Variants in MYRFL observed in about 807,000 individuals in gnomAD.
The protein encoded by MYRFL is myelin regulatory factor like.
In MYRFL, 88 loss-of-function variants were observed where a neutral mutation model predicts 109.4. The ratio of observed to expected loss-of-function variants is 0.80; its 90% confidence interval spans 0.68 to 0.96. The LOEUF is 0.96. Among genes scored for constraint, MYRFL ranks in the 40% least tolerant of loss-of-function variants. MYRFL has a pLI of 0.00. For synonymous variants in MYRFL, 324 were observed against 320.9 expected (o/e 1.01, Z -0.10); for missense variants, 957 against 954.9 (o/e 1.00, Z -0.03).
At chr12:69,927,959 A>G (rs2120452917) in intron 15 of MYRFL, among the ~76,000 whole-genome samples, 1 of 152,328 alleles carries the variant, frequency 6.6e-6, no homozygotes, top group South Asian at 2.1e-4. Context: ...AGAATATGTC[A>G]GTCTCAGAAT....
At chr12:69,864,555 C>T (rs1261828209) in intron 2 of MYRFL, among the ~76,000 whole-genome samples, 1 of 151,810 alleles carries the variant, frequency 6.6e-6, no homozygotes, top group Non-Finnish European at 1.5e-5. Flanking sequence ...TGGTACCTGG[C>T]TCTTATTACT....
chr12:69,910,464 T>A (rs1954525135), intron 12 of MYRFL, among the ~76,000 whole-genome samples: 1 of 151,226 alleles, frequency 6.6e-6, no homozygotes, highest in South Asian at 2.1e-4. Flanking sequence ...GTAAGCAAAG[T>A]GATGTTTATA....
At chr12:69,848,395 C>T (rs1732554459) in intron 1 of MYRFL, among the ~76,000 whole-genome samples, 1 of 151,734 alleles carries the variant, frequency 6.6e-6, no homozygotes, top group South Asian at 2.1e-4. Context: ...ATACTATTGC[C>T]TTTTTTATCC....
chr12:69,849,565 A>G (rs1214652648), intron 1 of MYRFL, among the ~76,000 whole-genome samples: 4 of 152,248 alleles, frequency 2.6e-5, no homozygotes, highest in Non-Finnish European at 5.9e-5. Flanking sequence ...AAATGGTAGA[A>G]GAGTTATATT....
chr12:69,951,394 C>T (rs1330466420), intron 19 of MYRFL, among the ~76,000 whole-genome samples: 2 of 150,928 alleles, frequency 1.3e-5, no homozygotes, highest in Non-Finnish European at 2.9e-5. Flanking sequence ...CACACGTAGC[C>T]CTAGGGTCTC....
chr12:69,897,470 G>C (rs1327338989), intron 10 of MYRFL, among the ~76,000 whole-genome samples: 2 of 152,148 alleles, frequency 1.3e-5, no homozygotes, highest in Non-Finnish European at 2.9e-5. Context: ...GTCACAGCTG[G>C]CATCTAGTGG....
chr12:69,839,856 T>C lies in MYRFL; in HGVS notation c.46+14293T>C, dbSNP rs2136316154. Among the ~76,000 whole-genome samples, 3 of 152,320 alleles carry C rather than the reference T, an allele frequency of 2.0e-5. No homozygotes were observed. In the South Asian group the frequency reaches 6.2e-4, roughly 32 times the overall value. Reference sequence around the variant, plus strand: ...ACTGGATCTCCTGTGGATCCCCTACTATTTGTTAGCATTCCTTTTAAAACC... The same window carrying C: ...ACTGGATCTCCTGTGGATCCCCTACCATTTGTTAGCATTCCTTTTAAAACC... On this transcript the variant is annotated intron_variant, in intron 1 of 24. Transcript: ENST00000552032.
chr12:69,948,421 G>T (rs1300963791), intron 19 of MYRFL, among the ~76,000 whole-genome samples: 1 of 152,144 alleles, frequency 6.6e-6, no homozygotes, highest in East Asian at 1.9e-4. Context: ...ACAGTTCTGT[G>T]GAAGAAGACA....
intron 2 of MYRFL, among the ~76,000 whole-genome samples, chr12:69,870,101 T>C (rs1172064504): frequency 2.5e-3 from 69 of 27,318 alleles, no homozygotes; most frequent in African/African-American, 8.2e-3. Flanking sequence ...TTTTCTTCCT[T>C]TTTTTTTTTT....
chr12:69,957,003 A>ACAAAC (rs1956112026), intron 22 of MYRFL, among the ~76,000 whole-genome samples: 1 of 152,126 alleles, frequency 6.6e-6, no homozygotes, highest in Non-Finnish European at 1.5e-5. Flanking sequence ...CTTTTAGTTT[A>ACAAAC]CAAACCATTT....
intron 19 of MYRFL, among the ~76,000 whole-genome samples, chr12:69,945,215 A>T (rs964247562): frequency 6.6e-5 from 10 of 152,192 alleles, no homozygotes; most frequent in African/African-American, 2.2e-4. Context: ...AGTATAGCCT[A>T]AATATATGGT....
chr12:69,896,960 T>G (rs10879037), intron 9 of MYRFL, among the ~76,000 whole-genome samples, 196 bp from the exon 10 acceptor site: 48,388 of 152,122 alleles, frequency 0.32, 7,986 homozygotes, highest in African/African-American at 0.37. Flanking sequence ...AGCTGACCCA[T>G]AACAATAGCA....
intron 10 of MYRFL, among the ~76,000 whole-genome samples, chr12:69,898,484 A>G (rs966066695): frequency 3.9e-5 from 6 of 152,188 alleles, no homozygotes; most frequent in African/African-American, 1.4e-4. Context: ...TCCTTGCGTC[A>G]TAAGCCAATA....
intron 9 of MYRFL, 37 bp downstream of exon 9, chr12:69,895,518 G>A (rs1183483489): frequency 6.0e-6 from 9 of 1,509,472 alleles, no homozygotes; most frequent in African/African-American, 2.8e-5. Flanking sequence ...GTGTGGCTGG[G>A]TACTTTATCT....
rs1956128717 is a variant in MYRFL at position 69,957,852 on chromosome 12, C to T, written c.2481C>T (p.Cys827=). The change falls in exon 23 of 25, where the codon TGC becomes TGT. Residue 827 remains cysteine (C), a synonymous_variant. Coordinates refer to ENST00000552032, the MANE Select transcript of MYRFL (RefSeq NM_182530.3). ...CAGAGCCATTGATAGTCTTCCAGTG[C>T]AAATTCACCCTTGGAAATATATGTT... The part of the protein sequence containing the change: ...NTTEPLIVFQ[C]KFTLGNICFH... 6.5e-7 allele frequency: 1 copy of T among 1,534,298 alleles called. No individual in the cohort carries two copies. Among genetic ancestry groups the T allele is most frequent in the East Asian group, 2.4e-5 (1 of 40,876 alleles).
intron 2 of MYRFL, among the ~76,000 whole-genome samples, chr12:69,873,946 T>C: frequency 6.6e-6 from 1 of 152,192 alleles, no homozygotes; most frequent in Non-Finnish European, 1.5e-5. Context: ...ATCTGTTGAC[T>C]TTAGTTCTAC....
At chr12:69,934,191 A>T (rs1286278813) in intron 16 of MYRFL, among the ~76,000 whole-genome samples, 1 of 152,216 alleles carries the variant, frequency 6.6e-6, no homozygotes, top group Non-Finnish European at 1.5e-5. Flanking sequence ...CTGGACTCAC[A>T]GCAGTGGTGC....
chr12:69,926,684 A>G lies in MYRFL; in HGVS notation c.1716A>G (p.Leu572=), dbSNP rs1472733415. ...LEIWNRKLAR[L]KRLSSWKSSA... is the part of the protein sequence containing the mutation. ...TATGGAACAGAAAGCTGGCCCGGCT[A>G]AAGCGGCTCAGTAGTTGGAAGTCAT... The change falls in exon 14 of 25, where the codon CTA becomes CTG. Residue 572 remains leucine (L), a synonymous_variant. Transcript: ENST00000552032. The G allele has an allele frequency of 1.3e-6, 2 of 1,522,440 alleles. No individual in the cohort carries two copies. The highest frequency in any genetic ancestry group is 2.7e-5 in the African/African-American group (2 of 72,752). 94.3% of individuals were successfully genotyped at this position (1,522,440 alleles called of 1,614,324 possible).
intron 1 of MYRFL, among the ~76,000 whole-genome samples, chr12:69,852,803 T>C (rs1278052616): frequency 1.3e-5 from 2 of 152,036 alleles, no homozygotes; most frequent in African/African-American, 2.4e-5. Context: ...ACGAGCGTGC[T>C]GCCTTCAAGC....
Sources: gnomAD v4.1 joint callset for allele counts (sites outside exome capture counted in the v4.1 genomes callset) on GRCh38, gnomAD v4.1.1 for gene constraint, MANE v1.5 for transcripts, NCBI Gene and HGNC (gene_info 2026-07-23, HGNC 2026-07-21) for gene names.